The following TTYH1 variants were observed in gnomAD, a reference collection of about 807,000 sequenced individuals.
The protein encoded by TTYH1 is tweety family member 1, also known as protein tweety homolog 1.
Under a neutral mutation model 61.2 loss-of-function variants are expected in TTYH1, and 33 were observed. The ratio of observed to expected loss-of-function variants is 0.54; its 90% CI spans 0.41 to 0.72. The LOEUF is 0.72. TTYH1 is among the 30% of genes least tolerant of loss of function. The pLI, the probability that TTYH1 is intolerant of heterozygous loss-of-function variation, is 0.00. For missense variants in TTYH1, 538 were observed against 575.8 expected, an observed-to-expected ratio of 0.93 and a Z score of 0.67; for synonymous variants, 308 against 266.4, an observed-to-expected ratio of 1.16 and a Z score of -1.52.
chr19:54,415,748 G>A lies in TTYH1; in HGVS notation c.126+70G>A, dbSNP rs1046711969. 7.2e-5 allele frequency: 99 copies of A among 1,382,448 alleles called. No individual in the cohort carries two copies. The highest frequency in any genetic ancestry group is 9.1e-5 in the Non-Finnish European group (96 of 1,053,664). The allele number at this position is 1,382,448 out of a possible 1,614,324, so 85.6% of individuals were successfully genotyped here. A position where few individuals can be genotyped will look rare whatever the true frequency, so the allele number is the denominator to read the frequency against. On this transcript the variant is annotated intron_variant, in intron 1 of 13. Transcript: ENST00000376530. The surrounding 1 kb of genome is among the most constrained non-coding windows in gnomAD (Gnocchi z 5.2). ...AGCTCCTGGGTCCCGAGGGAGAAGGGGGCTGGGTCACAGATTTCCTGAGCT... is the reference window on the plus strand; with the variant it reads ...AGCTCCTGGGTCCCGAGGGAGAAGGAGGCTGGGTCACAGATTTCCTGAGCT...
chr19:54,422,491 G>C, intron 4 of TTYH1, 81 bp downstream of exon 4: 1 of 1,296,422 alleles, frequency 7.7e-7, no homozygotes, highest in East Asian at 2.6e-5. Flanking sequence ...ATGCCTGGAG[G>C]CAGTTTTGGT....
intron 4 of TTYH1, 74 bp from the exon 5 acceptor site, chr19:54,426,599 G>GA: frequency 8.6e-7 from 1 of 1,161,606 alleles, no homozygotes; most frequent in Non-Finnish European, 1.3e-6. Flanking sequence ...GGTGAATGCT[G>GA]GTGGAGGGTT....
intron 4 of TTYH1, among the ~76,000 whole-genome samples, chr19:54,425,641 C>G (rs2083307523): frequency 6.6e-6 from 1 of 152,138 alleles, no homozygotes; most frequent in African/African-American, 2.4e-5. Flanking sequence ...AGTCCTGTCT[C>G]TCACTGTGGC....
chr19:54,418,767 G>C (rs1555965524), intron 1 of TTYH1: 1 of 174,056 alleles, frequency 5.7e-6, no homozygotes, highest in Non-Finnish European at 1.2e-5. Flanking sequence ...GAGGGGCCTT[G>C]GCAGGTCCTT....
At position 54,419,709 on chromosome 19, in the gene TTYH1, A is replaced by G. The variant is rs116554903; in HGVS notation, c.305+403A>G. 5.1e-3 allele frequency among the ~76,000 whole-genome samples: 773 copies of G among 152,244 alleles called. 4 individuals are homozygous for G. The highest frequency in any genetic ancestry group is 0.018 in the African/African-American group (749 of 41,528). ...TGCGGGGGTAAGATGGAGAGAAAGC[A>G]CAGTGTCTGACTTGCAGCTACTCTC... On this transcript the variant is annotated intron_variant, in intron 2 of 13. Coordinates refer to ENST00000376530, the MANE Select transcript of TTYH1 (RefSeq NM_020659.4). This position sits in a 1 kb window ranked among gnomAD's most constrained non-coding sequence, Gnocchi z 6.1.
At chr19:54,418,836 G>A in intron 1 of TTYH1, 1 of 369,868 alleles carries the variant, frequency 2.7e-6, no homozygotes, top group Non-Finnish European at 4.8e-6. Flanking sequence ...GCTCGGAGAA[G>A]GGGCGGTTCC....
At chr19:54,432,492 GGAGA>G (rs2083462683) in intron 10 of TTYH1, 1 of 152,314 alleles carries the variant, frequency 6.6e-6, no homozygotes, top group South Asian at 2.1e-4. Context: ...TGCACACTGA[GGAGA>G]GAGGGACCTT....
chr19:54,416,403 T>C lies in TTYH1; in HGVS notation c.126+725T>C. On this transcript the variant is annotated intron_variant, in intron 1 of 13. Transcript: ENST00000376530. This position sits in a 1 kb window ranked among gnomAD's most constrained non-coding sequence, Gnocchi z 7.0. Reference sequence around the variant, plus strand: ...GGTGTCCCTGGGGAAGGGGCCCGGCTCGGGGCAGCTCCAATGGGCGAAAGA... The same window carrying C: ...GGTGTCCCTGGGGAAGGGGCCCGGCCCGGGGCAGCTCCAATGGGCGAAAGA... 3.9e-6 allele frequency: 1 copy of C among 259,564 alleles called. No individual in the cohort carries two copies. The highest frequency in any genetic ancestry group is 7.8e-6 in the Non-Finnish European group (1 of 128,744). 16.1% of individuals were successfully genotyped at this position (259,564 alleles called of 1,614,324 possible). A position where few individuals can be genotyped will look rare whatever the true frequency, so the allele number is the denominator to read the frequency against.
chr19:54,427,314 A>G (rs955999660), intron 5 of TTYH1, among the ~76,000 whole-genome samples: 12 of 144,718 alleles, frequency 8.3e-5, no homozygotes, highest in South Asian at 2.2e-4. Flanking sequence ...AAAAAAAAAA[A>G]AAAAAAAAAG....
Position 54,416,882 on chromosome 19 carries a change from C to T in TTYH1, c.126+1204C>T. The T allele has an allele frequency of 7.8e-7, 1 of 1,289,732 alleles. No homozygotes were observed. Among genetic ancestry groups the T allele is most frequent in the Non-Finnish European group, 1.0e-6 (1 of 987,168 alleles). The allele number at this position is 1,289,732 out of a possible 1,614,324, so 79.9% of individuals were successfully genotyped here. ...CGCCCGCTCTGGCCCGGAGACCTCC[C>T]GAAGCCGCACGCGGGGATCCGCGGC... On this transcript the variant is annotated intron_variant, in intron 1 of 13. Coordinates refer to ENST00000376530, the MANE Select transcript of TTYH1 (RefSeq NM_020659.4). This position sits in a 1 kb window ranked among gnomAD's most constrained non-coding sequence, Gnocchi z 7.0.
chr19:54,430,056 G>A (rs2083403675), intron 7 of TTYH1, 99 bp downstream of exon 7: 2 of 1,089,448 alleles, frequency 1.8e-6, no homozygotes, highest in Non-Finnish European at 2.7e-6. Flanking sequence ...GGTGGGGTGG[G>A]GGTGCAGCCT....
chr19:54,431,575 G>T (rs1245155728), intron 10 of TTYH1: 49 of 265,564 alleles, frequency 1.8e-4, no homozygotes, highest in African/African-American at 1.0e-3. Flanking sequence ...AAGACTGCCT[G>T]GGTTCCAGTC....
chr19:54,415,662 A>G lies in TTYH1; in HGVS notation c.110A>G (p.Glu37Gly), dbSNP rs1467206371. Residue 37 changes from glutamate (E) to glycine (G), a missense_variant, in exon 1 of 14, where the codon GAG (glutamate) becomes GGG (glycine). Around this residue, in one of 3 missense-constraint regions of TTYH1, gnomAD observed 157 missense variants for 157.0 expected, o/e 1.00. Transcript: ENST00000376530. The surrounding 1 kb of genome is among the most constrained non-coding windows in gnomAD (Gnocchi z 5.2). ...RPVPSVFAPQ[E>G]QEYQQALLLV... is the part of the protein sequence containing the mutation. ...GTGCCCAGCGTTTTCGCGCCCCAAG[A>G]GCAGGAATACCAGCAGGTGGGACCG... 2 of 1,562,962 alleles carry G rather than the reference A, an allele frequency of 1.3e-6. No homozygotes were observed. The highest frequency in any genetic ancestry group is 1.7e-6 in the Non-Finnish European group (2 of 1,162,266).
At chr19:54,426,820 G>A in intron 5 of TTYH1, 52 bp downstream of exon 5, 1 of 1,511,884 alleles carries the variant, frequency 6.6e-7, no homozygotes, top group Non-Finnish European at 9.1e-7. Context: ...TCTCCTGGCA[G>A]GCAGGACCTC....
intron 4 of TTYH1, among the ~76,000 whole-genome samples, chr19:54,424,415 C>G (rs551890817): frequency 2.6e-5 from 4 of 152,376 alleles, no homozygotes; most frequent in Admixed American, 1.3e-4. Context: ...ATTTGGGAGG[C>G]CTTCCGGGAT....
chr19:54,436,389 C>T lies in TTYH1; in HGVS notation c.*99C>T, dbSNP rs749931478. On this transcript the variant is annotated 3_prime_UTR_variant, in exon 14 of 14. Transcript: ENST00000376530. This position sits in a 1 kb window ranked among gnomAD's most constrained non-coding sequence, Gnocchi z 4.3. ...TAACCCAGCCTGCCTGGGCTCTGAC[C>T]ACTAACACTCTTGGCCATGGACAGC... 1.2e-6 allele frequency: 2 copies of T among 1,613,884 alleles called. 1 individual carries two copies. Among genetic ancestry groups the T allele is most frequent in the South Asian group, 2.2e-5 (2 of 91,086 alleles).
intron 4 of TTYH1, chr19:54,426,329 G>A (rs1375143915): frequency 3.4e-6 from 1 of 290,400 alleles, no homozygotes; most frequent in African/African-American, 2.1e-5. Flanking sequence ...TCTTGAGAAC[G>A]AGTATCTCCA....
At position 54,419,703 on chromosome 19, in the gene TTYH1, G is replaced by A. The variant is rs2083166983; in HGVS notation, c.305+397G>A. Among the ~76,000 whole-genome samples, 1 of 152,160 alleles carries A rather than the reference G, an allele frequency of 6.6e-6. No individual in the cohort carries two copies. The highest frequency in any genetic ancestry group is 1.5e-5 in the Non-Finnish European group (1 of 68,034). On this transcript the variant is annotated intron_variant, in intron 2 of 13. Transcript: ENST00000376530. The surrounding 1 kb of genome is among the most constrained non-coding windows in gnomAD (Gnocchi z 6.1). The stretch of plus-strand genomic sequence containing the variant: ...ACCTCCTGCGGGGGTAAGATGGAGA[G>A]AAAGCACAGTGTCTGACTTGCAGCT...
intron 4 of TTYH1, among the ~76,000 whole-genome samples, chr19:54,424,678 G>C (rs1246469882): frequency 6.6e-6 from 1 of 152,178 alleles, no homozygotes; most frequent in African/African-American, 2.4e-5. Context: ...TATCTTCCGG[G>C]TGCACCACTG....
Sources: gnomAD v4.1 joint callset for allele counts (sites outside exome capture counted in the v4.1 genomes callset) on GRCh38, gnomAD v4.1.1 for gene constraint, gnomAD v4.1.1 regional missense constraint, Gnocchi (gnomAD v3.1) non-coding constraint, MANE v1.5 for transcripts, NCBI Gene and HGNC (gene_info 2026-07-23, HGNC 2026-07-21) for gene names.